The following CNTNAP2 variants were observed in gnomAD, a reference collection of about 807,000 sequenced individuals.
CNTNAP2 encodes contactin-associated protein-like 2.
Under a neutral mutation model 155.2 loss-of-function variants are expected in CNTNAP2, and 98 were observed. The ratio of observed to expected loss-of-function variants is 0.63; its 90% CI spans 0.54 to 0.75. CNTNAP2 has a LOEUF of 0.75. Ranked by LOEUF, CNTNAP2 falls within the 30% of genes least tolerant of loss-of-function variation. CNTNAP2 has a pLI of 0.00. For missense variants in CNTNAP2, 1,727 were observed against 1,688.1 expected, an observed-to-expected ratio of 1.02 and a Z score of -0.40; for synonymous variants, 651 against 631.2, an observed-to-expected ratio of 1.03 and a Z score of -0.47.
intron 21 of CNTNAP2, among the ~76,000 whole-genome samples, chr7:148,304,660 G>A (rs1407326651): frequency 2.0e-5 from 3 of 152,156 alleles, no homozygotes; most frequent in Non-Finnish European, 4.4e-5. Flanking sequence ...ACAAACACAG[G>A]TGGCTGCACA....
chr7:146,901,365 C>G (rs1795991717), intron 3 of CNTNAP2, among the ~76,000 whole-genome samples: 1 of 152,058 alleles, frequency 6.6e-6, no homozygotes, highest in African/African-American at 2.4e-5. Flanking sequence ...TAATTGGTAT[C>G]AAAAAGCTAG....
At chr7:148,232,599 G>T (rs1419811326) in intron 20 of CNTNAP2, among the ~76,000 whole-genome samples, 1 of 152,098 alleles carries the variant, frequency 6.6e-6, no homozygotes, top group Admixed American at 6.5e-5. Flanking sequence ...AATAACATAT[G>T]ATAACAAAGG....
rs993599743 is a variant in CNTNAP2, at chr7:148,415,773, CTGATCACAAAAAAAAAAACCTTT to C, written c.*159_*181del. 1 of 739,820 alleles carries C rather than the reference CTGATCACAAAAAAAAAAACCTTT, an allele frequency of 1.4e-6. No homozygotes were observed. The allele number at this position is 739,820 out of a possible 1,614,324, so 45.8% of individuals were successfully genotyped here. A position where few individuals can be genotyped will look rare whatever the true frequency, so the allele number is the denominator to read the frequency against. ...GGAATATAATGGAATATTCTTGAGA[CTGATCACAAAAAAAAAAACCTTT>C]TTAATATTTCTTTATAGCTGAGTTT... On this transcript the variant is annotated 3_prime_UTR_variant, in exon 24 of 24. Coordinates refer to ENST00000361727, the MANE Select transcript of CNTNAP2 (RefSeq NM_014141.6).
At chr7:146,523,166 C>T (rs1166530216) in intron 1 of CNTNAP2, among the ~76,000 whole-genome samples, 1 of 151,952 alleles carries the variant, frequency 6.6e-6, no homozygotes, top group East Asian at 1.9e-4. Context: ...TCCCCCAAGT[C>T]CCCAAAGTCC....
At chr7:147,942,752 T>C (rs890851133) in intron 14 of CNTNAP2, among the ~76,000 whole-genome samples, 1 of 152,180 alleles carries the variant, frequency 6.6e-6, no homozygotes, top group Non-Finnish European at 1.5e-5. Context: ...CACTGTGTCT[T>C]ACTGGCCAGG....
At chr7:147,638,103 A>C (rs1033506701) in intron 12 of CNTNAP2, among the ~76,000 whole-genome samples, 1 of 152,204 alleles carries the variant, frequency 6.6e-6, no homozygotes, top group African/African-American at 2.4e-5. Context: ...AATATATTTG[A>C]TATGCCTCAA....
chr7:146,596,857 G>A (rs1798870252), intron 1 of CNTNAP2, among the ~76,000 whole-genome samples: 1 of 152,024 alleles, frequency 6.6e-6, no homozygotes, highest in Non-Finnish European at 1.5e-5. Flanking sequence ...AGGACATTGT[G>A]AGGGTTAAAT....
intron 13 of CNTNAP2, among the ~76,000 whole-genome samples, chr7:147,792,067 A>G (rs1797829263): frequency 6.6e-6 from 1 of 152,172 alleles, no homozygotes; most frequent in Admixed American, 6.5e-5. Flanking sequence ...CCTAAGTTCT[A>G]CAGGGGATGT....
intron 1 of CNTNAP2, among the ~76,000 whole-genome samples, chr7:146,462,489 T>G (rs1408900393): frequency 6.6e-6 from 1 of 152,208 alleles, no homozygotes; most frequent in Non-Finnish European, 1.5e-5. Flanking sequence ...CCTTCTGACC[T>G]TGGTGTTTTC....
At chr7:147,093,282 G>A (rs1425403779) in intron 4 of CNTNAP2, among the ~76,000 whole-genome samples, 1 of 149,924 alleles carries the variant, frequency 6.7e-6, no homozygotes, top group East Asian at 1.9e-4. Flanking sequence ...GTGTACGTAT[G>A]TCAGATGATA....
chr7:147,186,439 A>G (rs2116512374), intron 8 of CNTNAP2, among the ~76,000 whole-genome samples: 1 of 152,274 alleles, frequency 6.6e-6, no homozygotes. Flanking sequence ...AAGATGAGGA[A>G]GCTGAGGTTT....
chr7:148,349,605 G>C (rs541373990), intron 21 of CNTNAP2, among the ~76,000 whole-genome samples: 156 of 152,084 alleles, frequency 1.0e-3, no homozygotes, highest in African/African-American at 3.4e-3. Context: ...GTTTCACTGC[G>C]TTAGACAGGA....
At chr7:147,525,049 A>T (rs577981107) in intron 11 of CNTNAP2, among the ~76,000 whole-genome samples, 6 of 152,332 alleles carry the variant, frequency 3.9e-5, no homozygotes, top group Admixed American at 2.0e-4. Flanking sequence ...ACAGCAGGGA[A>T]AGTCGGGGGC....
intron 10 of CNTNAP2, among the ~76,000 whole-genome samples, chr7:147,440,298 C>G (rs561545623): frequency 7.9e-5 from 12 of 152,070 alleles, no homozygotes; most frequent in African/African-American, 2.9e-4. Flanking sequence ...TTATTTTAAG[C>G]TGATAACAAC....
chr7:148,076,894 C>G (rs997328842), intron 15 of CNTNAP2, among the ~76,000 whole-genome samples: 1 of 152,174 alleles, frequency 6.6e-6, no homozygotes, highest in Non-Finnish European at 1.5e-5. Flanking sequence ...TGGCATTCAT[C>G]TAGCTGTATG....
intron 4 of CNTNAP2, among the ~76,000 whole-genome samples, chr7:147,058,254 G>T (rs1799599118): frequency 6.6e-6 from 1 of 152,080 alleles, no homozygotes. Context: ...TTTGGCCGGG[G>T]ATTATTTATA....
At chr7:146,949,599 T>C (rs911702408) in intron 3 of CNTNAP2, among the ~76,000 whole-genome samples, 1 of 152,200 alleles carries the variant, frequency 6.6e-6, no homozygotes, top group Non-Finnish European at 1.5e-5. Flanking sequence ...CATTATTTAG[T>C]CATAATTATT....
chr7:146,369,589 T>C (rs1795204811), intron 1 of CNTNAP2, among the ~76,000 whole-genome samples: 5 of 152,208 alleles, frequency 3.3e-5, no homozygotes. Context: ...TTTTGATTTC[T>C]ATCCATCTGA....
At chr7:147,744,586 A>T (rs1437269450) in intron 13 of CNTNAP2, among the ~76,000 whole-genome samples, 2 of 152,236 alleles carry the variant, frequency 1.3e-5, no homozygotes, top group Non-Finnish European at 2.9e-5. Flanking sequence ...CCATAATAAA[A>T]TAACAAAGAT....
Sources: gnomAD v4.1 joint callset for allele counts (sites outside exome capture counted in the v4.1 genomes callset) on GRCh38, gnomAD v4.1.1 for gene constraint, MANE v1.5 for transcripts, NCBI Gene and HGNC (gene_info 2026-07-23, HGNC 2026-07-21) for gene names.